Variants in FGF13 observed in about 807,000 individuals in gnomAD.
The protein encoded by FGF13 is fibroblast growth factor homologous factor 2.
FGF13 carries 2 observed loss-of-function variants against 19.5 expected under a neutral mutation model. The ratio of observed to expected loss-of-function variants is 0.10; its 90% CI spans 0.04 to 0.32. The LOEUF is 0.32. FGF13 is among the 10% of genes least tolerant of loss of function. The pLI, the probability that FGF13 is intolerant of heterozygous loss-of-function variation, is 1.00. For missense variants in FGF13, 113 were observed against 192.7 expected (o/e 0.59, Z 2.45); for synonymous variants, 72 against 76.9 (o/e 0.94, Z 0.33).
At chrX:138,908,385 C>CTT (rs1168698905) in intron 1 of FGF13, among the ~76,000 whole-genome samples, 7 of 93,298 alleles carry the variant, frequency 7.5e-5, no homozygotes, top group African/African-American at 1.5e-4. Flanking sequence ...CCATCATTTT[C>CTT]TTTTTTTTTT....
intron 3 of FGF13, among the ~76,000 whole-genome samples, chrX:138,829,303 G>C (rs986741002): frequency 1.8e-5 from 2 of 111,656 alleles, no homozygotes; most frequent in East Asian, 5.7e-4. Context: ...TATGGAAGTA[G>C]ATCCCTCTTG....
At chrX:139,157,157 T>C (rs1294707656) in intron 1 of FGF13, among the ~76,000 whole-genome samples, 2 of 111,461 alleles carry the variant, frequency 1.8e-5, no homozygotes, top group African/African-American at 6.5e-5. Context: ...AATGTAGGAA[T>C]TGTCATCCTT....
At chrX:138,896,450 C>G (rs758342962) in intron 1 of FGF13, among the ~76,000 whole-genome samples, 1 of 111,488 alleles carries the variant, frequency 9.0e-6, no homozygotes, top group Non-Finnish European at 1.9e-5. Context: ...CTATTCTAGC[C>G]TCTCACTTTC....
intron 3 of FGF13, among the ~76,000 whole-genome samples, chrX:138,745,422 A>G (rs2090348368): frequency 8.9e-6 from 1 of 111,880 alleles, no homozygotes; most frequent in Admixed American, 9.5e-5. Context: ...ATGGCCTCGT[A>G]TGTGTTCATA....
chrX:138,707,548 G>A lies in FGF13; in HGVS notation c.298+1270C>T, dbSNP rs1361847866. 3.6e-5 allele frequency among the ~76,000 whole-genome samples: 4 copies of A among 111,805 alleles called. No homozygotes were observed. The Admixed American group carries it at 3.8e-4, about 11-fold the overall frequency. On this transcript the variant is annotated intron_variant, in intron 2 of 4. Transcript: ENST00000315930. ...TTGCAGATGATCACTATACACTAAT[G>A]TCTGTTATTTGATTACAGTAAAGCC...
At chrX:138,772,016 G>GTATATATA (rs2090548554) in intron 3 of FGF13, among the ~76,000 whole-genome samples, 1 of 34,978 alleles carries the variant, frequency 2.9e-5, no homozygotes, top group African/African-American at 1.1e-4. Context: ...AGATACATAT[G>GTATATATA]TGTATATATA....
chrX:138,974,790 G>A (rs1285931174), intron 1 of FGF13, among the ~76,000 whole-genome samples: 1 of 112,756 alleles, frequency 8.9e-6, no homozygotes, highest in Admixed American at 9.4e-5. Context: ...GTGAGAATTA[G>A]CATATTCTAT....
In FGF13 at chrX:138,938,582, T is replaced by C. The variant is rs541342992; in HGVS notation, c.-112-73932A>G. On this transcript the variant is annotated intron_variant, in intron 1 of 2. Coordinates refer to the FGF13 transcript ENST00000421460. ...CCCAAAGAACTATGACTTAACTGCT[T>C]ATGCTACCCTCTGTTTGCTACTTAG... Among the ~76,000 whole-genome samples the C allele has an allele frequency of 6.3e-5, 7 of 111,266 alleles. No individual in the cohort carries two copies. The South Asian group carries it at 2.3e-3, about 36-fold the overall frequency.
At chrX:138,809,832 TC>T (rs2124029772) in intron 3 of FGF13, among the ~76,000 whole-genome samples, 1 of 111,279 alleles carries the variant, frequency 9.0e-6, no homozygotes, top group East Asian at 2.8e-4. Context: ...ATGAGTGAAC[TC>T]CCATTCACAA....
rs2089018096 is a variant in FGF13 at position 138,621,857 on chromosome X, T to A, written c.*10993A>T. 9.0e-6 allele frequency: 1 copy of A among 110,734 alleles called. No individual in the cohort carries two copies. Among genetic ancestry groups the A allele is most frequent in the Admixed American group, 9.6e-5 (1 of 10,387 alleles). The allele number at this position is 110,734 out of a possible 1,213,427, so 9.1% of individuals were successfully genotyped here. On this transcript the variant is annotated 3_prime_UTR_variant, in exon 5 of 5. Transcript: ENST00000315930. The stretch of plus-strand genomic sequence containing the variant: ...GGTAATCTAGAAGAAACAGATAAAT[T>A]TCTAGAAACATACCACAACCTAGCA...
chrX:139,013,660 C>T (rs190400125), intron 1 of FGF13, among the ~76,000 whole-genome samples: 3 of 107,391 alleles, frequency 2.8e-5, no homozygotes, highest in Admixed American at 2.0e-4. Flanking sequence ...TGTATTCTCA[C>T]TCATATGTGG....
chrX:139,028,616 TGAGAGAGAGAGAGA>T (rs769711673), intron 1 of FGF13, among the ~76,000 whole-genome samples: 1 of 74,285 alleles, frequency 1.3e-5, no homozygotes, highest in Non-Finnish European at 2.5e-5. Context: ...TGTGTGTGTG[TGAGAGAGAGAGAGA>T]GAGAGTGTGT....
chrX:139,017,679 A>G (rs921337926), intron 1 of FGF13, among the ~76,000 whole-genome samples: 1 of 111,439 alleles, frequency 9.0e-6, no homozygotes, highest in Non-Finnish European at 1.9e-5. Context: ...AAAATGCCTG[A>G]CCACAGAGAA....
rs1389842469 is a variant in FGF13 at position 138,778,625 on chromosome X, A to G, written c.218-69697T>C. On this transcript the variant is annotated intron_variant, in intron 3 of 6. Coordinates refer to the FGF13 transcript ENST00000436198. ...TTTTCCGACAGGCTTAAAAAACGGC[A>G]CACCGGGAGAATATATCCCGCACCT... Among the ~76,000 whole-genome samples, 3 of 112,213 alleles carry G rather than the reference A, an allele frequency of 2.7e-5. No individual in the cohort carries two copies. The South Asian group carries it at 1.1e-3, about 42-fold the overall frequency.
At chrX:138,712,176 GGGA>G (rs1372387179), upstream of FGF13, 1 of 111,547 alleles carries the variant, frequency 9.0e-6, no homozygotes, top group Non-Finnish European at 1.9e-5. Flanking sequence ...AGCCATTCAG[GGGA>G]GGAGGCCAGA....
At chrX:138,988,217 C>T (rs1459796969) in intron 1 of FGF13, among the ~76,000 whole-genome samples, 4 of 112,262 alleles carry the variant, frequency 3.6e-5, no homozygotes, top group Non-Finnish European at 7.5e-5. Flanking sequence ...CTGTGAATAT[C>T]ATCTGCTCCC....
chrX:138,798,354 T>C (rs1320171789), intron 3 of FGF13, among the ~76,000 whole-genome samples: 1 of 112,042 alleles, frequency 8.9e-6, no homozygotes, highest in Non-Finnish European at 1.9e-5. Context: ...GTTTATGTGA[T>C]GGATTACATT....
chrX:138,987,677 A>G (rs1339396551), intron 1 of FGF13, among the ~76,000 whole-genome samples: 1 of 112,105 alleles, frequency 8.9e-6, no homozygotes. Context: ...TGTTAGTCAG[A>G]TATATCAGGG....
At chrX:138,757,944 G>GTA (rs2090441713) in intron 3 of FGF13, among the ~76,000 whole-genome samples, 1 of 111,930 alleles carries the variant, frequency 8.9e-6, no homozygotes, top group Non-Finnish European at 1.9e-5. Flanking sequence ...CAAAAAAGTA[G>GTA]TAAGGGTAGG....
Sources: gnomAD v4.1 joint callset for allele counts (sites outside exome capture counted in the v4.1 genomes callset) on GRCh38, gnomAD v4.1.1 for gene constraint, MANE v1.5 for transcripts, NCBI Gene and HGNC (gene_info 2026-07-23, HGNC 2026-07-21) for gene names.